SMG7: variants seen among roughly 807,000 people sequenced by gnomAD.
SMG7 encodes SMG7 nonsense mediated mRNA decay factor.
In SMG7, 34 loss-of-function variants were observed where a neutral mutation model predicts 148.2. That is an observed-to-expected ratio of 0.23 (90% CI 0.17 to 0.31). The LOEUF (loss-of-function observed/expected upper bound fraction) is 0.31, where lower values mean the gene tolerates loss of function less well. Ranked by LOEUF, SMG7 falls within the 10% of genes least tolerant of loss-of-function variation. The pLI is 1.00. For synonymous variants in SMG7, 492 were observed against 515.1 expected, an observed-to-expected ratio of 0.96 and a Z score of 0.61; for missense variants, 1,114 against 1,408.4, an observed-to-expected ratio of 0.79 and a Z score of 3.35.
chr1:183,552,247 G>C lies in SMG7; in HGVS notation c.*316G>C. ...ATCGTGCATGTCCCCAGCCACATGG[G>C]AAGTGAAAGCTGAGAAGGGAAGGCA... On this transcript the variant is annotated 3_prime_UTR_variant, in exon 23 of 23. Coordinates refer to ENST00000688051, the MANE Select transcript of SMG7 (RefSeq NM_001375584.1). 1 of 1,038,564 alleles carries C rather than the reference G, an allele frequency of 9.6e-7. No individual in the cohort carries two copies. The highest frequency in any genetic ancestry group is 1.2e-6 in the Non-Finnish European group (1 of 864,752). 64.3% of individuals were successfully genotyped at this position (1,038,564 alleles called of 1,614,324 possible).
chr1:183,550,948 A>G, intron 21 of SMG7, 27 bp downstream of exon 21: 2 of 1,614,020 alleles, frequency 1.2e-6, no homozygotes, highest in Non-Finnish European at 1.7e-6. Flanking sequence ...ATTGCCAGGC[A>G]AAATTGAAAG....
Position 183,526,541 on chromosome 1 carries a change from T to G in SMG7, c.313-55T>G. The G allele has an allele frequency of 3.3e-6, 4 of 1,226,996 alleles. No homozygotes were observed. In the Middle Eastern group the frequency reaches 6.5e-4, roughly 199 times the overall value. 76.0% of individuals were successfully genotyped at this position (1,226,996 alleles called of 1,614,324 possible). A position where few individuals can be genotyped will look rare whatever the true frequency, so the allele number is the denominator to read the frequency against. On this transcript the variant is annotated intron_variant, in intron 4 of 22. Transcript: ENST00000688051. The stretch of plus-strand genomic sequence containing the variant: ...GGTACACATCTTACAGTTTATAAAC[T>G]TTACTTTTAGAGCACTTGTGACTTA...
chr1:183,472,768 G>T, intron 1 of SMG7, 119 bp downstream of exon 1: 2 of 957,482 alleles, frequency 2.1e-6, no homozygotes, highest in Non-Finnish European at 2.9e-6. Flanking sequence ...CTCCTCGCCG[G>T]GCAGGTCGGC....
intron 1 of SMG7, among the ~76,000 whole-genome samples, chr1:183,506,610 A>C (rs1015302613): frequency 6.6e-6 from 1 of 151,774 alleles, no homozygotes; most frequent in East Asian, 1.9e-4. Flanking sequence ...GAACTCTATG[A>C]AACAAGTGAA....
At chr1:183,520,823 T>G (rs1396064472) in intron 4 of SMG7, among the ~76,000 whole-genome samples, 3 of 152,168 alleles carry the variant, frequency 2.0e-5, no homozygotes, top group Non-Finnish European at 4.4e-5. Context: ...GTATGGTATT[T>G]GTAAAAACAT....
chr1:183,506,097 ACTAG>A (rs1312605989), intron 1 of SMG7, among the ~76,000 whole-genome samples: 30 of 152,214 alleles, frequency 2.0e-4, no homozygotes, highest in African/African-American at 6.7e-4. Flanking sequence ...ATGCTCACTC[ACTAG>A]CTTAGCTTTG....
intron 10 of SMG7, among the ~76,000 whole-genome samples, chr1:183,536,114 TTTTC>T (rs1367802533): frequency 3.3e-5 from 5 of 152,116 alleles, no homozygotes; most frequent in Admixed American, 6.5e-5. Context: ...ATGCTTTTCT[TTTTC>T]TTTCTTTCTT....
At chr1:183,550,528 T>C (rs1041636168) in intron 20 of SMG7, among the ~76,000 whole-genome samples, 1 of 152,194 alleles carries the variant, frequency 6.6e-6, no homozygotes, top group Non-Finnish European at 1.5e-5. Flanking sequence ...TTGCCTACTA[T>C]TTTATTTTGC....
rs543502012 is a variant in SMG7, at chr1:183,489,704, A to C, written c.29+17055A>C. On this transcript the variant is annotated intron_variant, in intron 1 of 22. Coordinates refer to ENST00000688051, the MANE Select transcript of SMG7 (RefSeq NM_001375584.1). ...CAAGCTGGGAAGTATGAATTAAAGA[A>C]GTATAAGGGCATTAGGGCCAGCTTC... 1.9e-4 allele frequency among the ~76,000 whole-genome samples: 29 copies of C among 152,332 alleles called. 1 individual carries two copies. In the South Asian group the frequency reaches 5.6e-3, roughly 29 times the overall value.
At chr1:183,492,107 C>T (rs1477299856) in intron 1 of SMG7, among the ~76,000 whole-genome samples, 3 of 152,152 alleles carry the variant, frequency 2.0e-5, no homozygotes, top group Non-Finnish European at 4.4e-5. Context: ...AGGCACAAGC[C>T]GTCATACCAT....
chr1:183,547,039 C>A, intron 17 of SMG7, 64 bp from the exon 18 acceptor site: 1 of 1,444,762 alleles, frequency 6.9e-7, no homozygotes, highest in Non-Finnish European at 9.3e-7. Context: ...CCTAATTATG[C>A]TACTATTCCT....
chr1:183,536,844 T>G (rs1667874472), intron 10 of SMG7, among the ~76,000 whole-genome samples: 1 of 152,176 alleles, frequency 6.6e-6, no homozygotes, highest in South Asian at 2.1e-4. Context: ...CTCAGCCTAT[T>G]TCAGTTTTCC....
chr1:183,494,393 T>C (rs1657874916), intron 1 of SMG7, among the ~76,000 whole-genome samples: 1 of 151,290 alleles, frequency 6.6e-6, no homozygotes, highest in Non-Finnish European at 1.5e-5. Context: ...AAACAATAAA[T>C]TGACTTTTAA....
Position 183,541,111 on chromosome 1 carries a change from T to G in SMG7, c.1415+8T>G. The G allele has an allele frequency of 6.2e-7, 1 of 1,612,182 alleles. No homozygotes were observed. The highest frequency in any genetic ancestry group is 8.5e-7 in the Non-Finnish European group (1 of 1,178,746). ...TGCTGATAATCAGCCAAGGTAAGTC[T>G]GGAACTTCTGGTCTACCCCTTTTTA... On this transcript the variant is annotated splice_region_variant and intron_variant, in intron 13 of 22. Coordinates refer to ENST00000688051, the MANE Select transcript of SMG7 (RefSeq NM_001375584.1).
At chr1:183,488,775 C>G (rs556369350) in intron 1 of SMG7, among the ~76,000 whole-genome samples, 2 of 151,030 alleles carry the variant, frequency 1.3e-5, no homozygotes, top group Non-Finnish European at 3.0e-5. Context: ...CCTCCACCTC[C>G]CAGGTTCAAG....
At chr1:183,500,071 C>G (rs1362822269) in intron 1 of SMG7, among the ~76,000 whole-genome samples, 2 of 152,058 alleles carry the variant, frequency 1.3e-5, no homozygotes, top group Admixed American at 6.6e-5. Context: ...TTTGGCATAC[C>G]TTGTTTAATG....
intron 7 of SMG7, among the ~76,000 whole-genome samples, 178 bp downstream of exon 7, chr1:183,529,220 G>C (rs1666436652): frequency 6.6e-6 from 1 of 152,106 alleles, no homozygotes; most frequent in Admixed American, 6.5e-5. Context: ...ATCTGATTCA[G>C]TCCCAGTAAA....
At chr1:183,545,440 C>T in intron 16 of SMG7, 128 bp downstream of exon 16, 1 of 1,067,292 alleles carries the variant, frequency 9.4e-7, no homozygotes, top group South Asian at 1.6e-5. Flanking sequence ...TATGGGAAAA[C>T]AAAAGTATTG....
intron 1 of SMG7, among the ~76,000 whole-genome samples, chr1:183,484,745 G>T (rs1488727278): frequency 6.6e-6 from 1 of 152,014 alleles, no homozygotes; most frequent in Admixed American, 6.6e-5. Context: ...AGACTCCTGA[G>T]TTAATATCCT....
Sources: allele counts gnomAD v4.1 joint callset (sites outside exome capture counted in the v4.1 genomes callset), GRCh38; gene constraint gnomAD v4.1.1; transcripts MANE v1.5; gene names NCBI Gene and HGNC (gene_info 2026-07-23, HGNC 2026-07-21).